The following LAMC1 variants were observed in gnomAD, a reference collection of about 807,000 sequenced individuals.
LAMC1 encodes laminin subunit gamma-1.
A neutral mutation model predicts 173.6 loss-of-function variants in LAMC1; 38 were observed. The observed-to-expected ratio is 0.22, with a 90% confidence interval of 0.17 to 0.29. The LOEUF (loss-of-function observed/expected upper bound fraction) is 0.29. Among genes scored for constraint, LAMC1 ranks in the 10% least tolerant of loss-of-function variants. LAMC1 has a pLI of 1.00. For missense variants in LAMC1, 1,824 were observed against 2,051.8 expected, an observed-to-expected ratio of 0.89 and a Z score of 2.14; for synonymous variants, 746 against 749.1, an observed-to-expected ratio of 1.00 and a Z score of 0.07.
intron 13 of LAMC1, among the ~76,000 whole-genome samples, chr1:183,123,735 C>T (rs1656544510): frequency 6.6e-6 from 1 of 152,202 alleles, no homozygotes; most frequent in Admixed American, 6.5e-5. Context: ...GTGTATTGGT[C>T]TTCACCAACC....
At position 183,103,469 on chromosome 1, in the gene LAMC1, C is replaced by A; in HGVS notation, c.560C>A (p.Ser187Tyr). The change falls in exon 2 of 28, where the codon TCC becomes TAC. Residue 187 changes from serine to tyrosine, a missense_variant. Coordinates refer to ENST00000258341, the MANE Select transcript of LAMC1 (RefSeq NM_002293.4). ...AGTGGTTCCTGTGAGAACACCTACT[C>A]CAAGGCAAACCGCGGCTTCATCAGG... ...YYSGSCENTY[S>Y]KANRGFIRTG... The A allele has an allele frequency of 6.2e-7, 1 of 1,614,178 alleles. No homozygotes were observed. Among genetic ancestry groups the A allele is most frequent in the Non-Finnish European group, 8.5e-7 (1 of 1,180,040 alleles).
Position 183,132,481 on chromosome 1 carries a change from G to C in LAMC1, c.3648G>C (p.Leu1216=). 1 of 1,613,794 alleles carries C rather than the reference G, an allele frequency of 6.2e-7. No homozygotes were observed. The highest frequency in any genetic ancestry group is 1.3e-5 in the African/African-American group (1 of 75,014). Residue 1216 remains leucine, a synonymous_variant, in exon 21 of 28, where the codon CTG becomes CTC. Transcript: ENST00000258341. ...DTSTEAYNLL[L]RTLAGENQTA... is the part of the protein sequence containing the mutation. ...CAACTGAGGCATACAACCTGCTTCT[G>C]AGGACACTGGCAGGAGAAAATCAAA...
intron 1 of LAMC1, among the ~76,000 whole-genome samples, chr1:183,045,657 G>A (rs997285723): frequency 6.6e-6 from 1 of 152,008 alleles, no homozygotes; most frequent in Non-Finnish European, 1.5e-5. Context: ...CATGTCTCCT[G>A]ATGCCTATGT....
In LAMC1 at chr1:183,122,076, C is replaced by T. The variant is rs776010430; in HGVS notation, c.2226C>T (p.Cys742=). The change falls in exon 13 of 28, where the codon TGC becomes TGT. Residue 742 remains cysteine, a synonymous_variant. Coordinates refer to ENST00000258341, the MANE Select transcript of LAMC1 (RefSeq NM_002293.4). ...TCDPETGVCN[C]RDNTAGPHCE... is the part of the protein sequence containing the mutation. ...CCTTCCAAATAGGTGTTTGTAACTG[C>T]AGAGACAATACGGCTGGCCCGCACT... is the stretch of plus-strand genomic sequence containing the variant. The T allele has an allele frequency of 2.2e-5, 35 of 1,613,488 alleles. No individual in the cohort carries two copies. The highest frequency in any genetic ancestry group is 2.9e-5 in the Non-Finnish European group (34 of 1,179,628).
At chr1:183,137,251 A>G (rs1369575765) in intron 25 of LAMC1, among the ~76,000 whole-genome samples, 1 of 152,178 alleles carries the variant, frequency 6.6e-6, no homozygotes, top group Admixed American at 6.5e-5. Flanking sequence ...CTTTTTGTAC[A>G]TTATGATGAA....
At chr1:183,108,098 CAAG>C (rs1404666147) in intron 2 of LAMC1, among the ~76,000 whole-genome samples, 175 bp from the exon 3 acceptor site, 2 of 151,962 alleles carry the variant, frequency 1.3e-5, no homozygotes, top group Non-Finnish European at 2.9e-5. Flanking sequence ...AGGGAAGAGT[CAAG>C]AAGGAGAAAA....
chr1:183,050,281 C>CTTTTT (rs892649686), intron 1 of LAMC1, among the ~76,000 whole-genome samples: 10 of 115,520 alleles, frequency 8.7e-5, no homozygotes, highest in East Asian at 2.5e-4. Flanking sequence ...TTCTCAGATT[C>CTTTTT]TTTTTTTTTT....
At position 183,048,331 on chromosome 1, in the gene LAMC1, A is replaced by G. The variant is rs567432878; in HGVS notation, c.418+24197A>G. On this transcript the variant is annotated intron_variant, in intron 1 of 27. Coordinates refer to ENST00000258341, the MANE Select transcript of LAMC1 (RefSeq NM_002293.4). Reference sequence around the variant, plus strand: ...TCAGTGTAATTTGTTCTGACCTGTTATACCTACTTAGTTAAAATGTCCTCT... The same window carrying G: ...TCAGTGTAATTTGTTCTGACCTGTTGTACCTACTTAGTTAAAATGTCCTCT... 2.0e-5 allele frequency among the ~76,000 whole-genome samples: 3 copies of G among 152,328 alleles called. No homozygotes were observed. The East Asian group carries it at 5.8e-4, about 29-fold the overall frequency.
At chr1:183,081,768 C>T (rs1655283422) in intron 1 of LAMC1, among the ~76,000 whole-genome samples, 1 of 151,946 alleles carries the variant, frequency 6.6e-6, no homozygotes, top group Admixed American at 6.6e-5. Context: ...TGTCATAATC[C>T]CCTAAAGTCT....
chr1:183,099,171 C>G (rs186564324), intron 1 of LAMC1, among the ~76,000 whole-genome samples: 1 of 152,180 alleles, frequency 6.6e-6, no homozygotes, highest in Non-Finnish European at 1.5e-5. Flanking sequence ...TCACTGCAAC[C>G]TCCGCCTCCT....
chr1:183,028,254 T>G (rs1356940218), intron 1 of LAMC1, among the ~76,000 whole-genome samples: 2 of 152,060 alleles, frequency 1.3e-5, no homozygotes, highest in Admixed American at 1.3e-4. Context: ...TGGGTGTGCC[T>G]TTTGCTATGC....
intron 1 of LAMC1, among the ~76,000 whole-genome samples, chr1:183,059,307 C>T (rs1654682623): frequency 6.6e-6 from 1 of 152,342 alleles, no homozygotes; most frequent in South Asian, 2.1e-4. Flanking sequence ...GTTATTAATA[C>T]ATTACATCAT....
intron 1 of LAMC1, among the ~76,000 whole-genome samples, chr1:183,053,585 G>C (rs1289703215): frequency 6.6e-6 from 1 of 151,796 alleles, no homozygotes. Flanking sequence ...TTTACATTTT[G>C]TGAAGATCTT....
chr1:183,030,259 A>C (rs540863475), intron 1 of LAMC1, among the ~76,000 whole-genome samples: 1 of 152,218 alleles, frequency 6.6e-6, no homozygotes, highest in Non-Finnish European at 1.5e-5. Flanking sequence ...AGTATTTACT[A>C]TCTGGCTCTC....
At chr1:183,061,269 G>A (rs1014344569) in intron 1 of LAMC1, among the ~76,000 whole-genome samples, 2 of 151,994 alleles carry the variant, frequency 1.3e-5, no homozygotes, top group Admixed American at 6.6e-5. Context: ...GGTTATTAGT[G>A]TGTGAAAACT....
At position 183,117,370 on chromosome 1, in the gene LAMC1, G is replaced by C. The variant is rs147897130; in HGVS notation, c.1615G>C (p.Glu539Gln). ...GAGAGATGGCTCTGAAGCATCTCTC[G>C]AGTGGTCCTCTGAGAGGCAAGATAT... is the stretch of plus-strand genomic sequence containing the variant. The part of the protein sequence containing the change: ...EQRDGSEASL[E>Q]WSSERQDIAV... Residue 539 changes from glutamate to glutamine, a missense_variant, in exon 9 of 28, where the codon GAG becomes CAG. By Grantham distance (29) the Glu-to-Gln change is conservative (BLOSUM62 2). Transcript: ENST00000258341. 2.4e-5 allele frequency: 38 copies of C among 1,613,672 alleles called. No individual in the cohort carries two copies. The East Asian group carries it at 7.1e-4, about 30-fold the overall frequency.
chr1:183,096,510 C>T (rs1309117597), intron 1 of LAMC1: 1 of 152,130 alleles, frequency 6.6e-6, no homozygotes, highest in Admixed American at 6.5e-5. Context: ...CGTGTCTTTC[C>T]GTTATTAACA....
At chr1:183,079,294 A>G (rs1284726859) in intron 1 of LAMC1, among the ~76,000 whole-genome samples, 2 of 110,102 alleles carry the variant, frequency 1.8e-5, no homozygotes, top group East Asian at 6.4e-4. Context: ...TCACTCTGTC[A>G]CCCAGGCTGG....
intron 1 of LAMC1, among the ~76,000 whole-genome samples, chr1:183,060,997 G>A (rs973128863): frequency 3.9e-5 from 6 of 152,192 alleles, no homozygotes; most frequent in African/African-American, 1.4e-4. Context: ...TTTGTCAGAA[G>A]TGACATGGTT....
Sources: gnomAD v4.1 joint callset for allele counts (sites outside exome capture counted in the v4.1 genomes callset) on GRCh38, gnomAD v4.1.1 for gene constraint, MANE v1.5 for transcripts, NCBI Gene and HGNC (gene_info 2026-07-23, HGNC 2026-07-21) for gene names.